Variants in MRPS25 observed in about 807,000 individuals in gnomAD.
MRPS25 encodes the protein small ribosomal subunit protein mS25.
Under a neutral mutation model 17.3 loss-of-function variants are expected in MRPS25, and 15 were observed. The observed-to-expected ratio is 0.87, with a 90% CI of 0.58 to 1.34. The LOEUF (loss-of-function observed/expected upper bound fraction) is 1.34, where lower values mean the gene tolerates loss of function less well. Ranked by LOEUF, MRPS25 falls within the 40% of genes most tolerant of loss-of-function variation. MRPS25 has a pLI of 0.00. For synonymous variants in MRPS25, 94 were observed against 83.3 expected (o/e 1.13, Z -0.70); for missense variants, 225 against 218.6 (o/e 1.03, Z -0.19).
downstream of MRPS25, chr3:15,043,828 G>A (rs2042356548): frequency 6.6e-6 from 1 of 152,214 alleles, no homozygotes; most frequent in South Asian, 2.1e-4. Flanking sequence ...TATCTGAATT[G>A]GATTGCAACT....
In MRPS25 at chr3:15,065,154, T is replaced by G; in HGVS notation, c.41A>C (p.Gln14Pro). ...CACCACGTTCCCCTGGCTCAGATAT[T>G]GCAGGGTGCGGCGGATGGGGAAGCG... The part of the protein sequence containing the change: ...KGRFPIRRTL[Q>P]YLSQGNVVFK... Residue 14 changes from glutamine (Q) to proline (P), a missense_variant, in exon 1 of 4, where the codon CAA becomes CCA. Physicochemically the swap from Gln to Pro is moderately conservative, Grantham distance 76. Transcript: ENST00000253686. 2 of 1,608,890 alleles carry G rather than the reference T, an allele frequency of 1.2e-6. No individual in the cohort carries two copies. The highest frequency in any genetic ancestry group is 1.7e-6 in the Non-Finnish European group (2 of 1,177,800).
chr3:15,057,276 T>A (rs1355038982), intron 2 of MRPS25, among the ~76,000 whole-genome samples: 1 of 152,220 alleles, frequency 6.6e-6, no homozygotes, highest in East Asian at 1.9e-4. Context: ...CGTCCTCACC[T>A]GTAGTTCTGG....
intron 3 of MRPS25, among the ~76,000 whole-genome samples, chr3:15,052,985 C>T (rs2042625114): frequency 6.6e-6 from 1 of 152,168 alleles, no homozygotes; most frequent in Admixed American, 6.5e-5. Context: ...AGCTTCCGTC[C>T]CTTTCTGTCT....
intron 1 of MRPS25, among the ~76,000 whole-genome samples, chr3:15,061,418 G>A (rs1426341224): frequency 6.6e-6 from 1 of 152,230 alleles, no homozygotes; most frequent in African/African-American, 2.4e-5. Context: ...GGGTTTCGCT[G>A]TGTTGGCCGG....
chr3:15,044,305 C>T (rs1032018492), downstream of MRPS25: 2 of 152,182 alleles, frequency 1.3e-5, no homozygotes, highest in African/African-American at 4.8e-5. Context: ...GCACACTGTG[C>T]ACTTTGGTTC....
At chr3:15,042,352 A>C (rs1346691734), downstream of MRPS25, 1 of 152,466 alleles carries the variant, frequency 6.6e-6, no homozygotes. Context: ...CCAGAGCCCA[A>C]CTGTTAGCGT....
chr3:15,057,058 GC>G (rs1384519360), intron 2 of MRPS25, among the ~76,000 whole-genome samples: 2 of 152,194 alleles, frequency 1.3e-5, no homozygotes, highest in African/African-American at 4.8e-5. Flanking sequence ...CTTCTTGGCA[GC>G]CAGGAGGCCC....
chr3:15,059,834 G>A (rs575074209), intron 1 of MRPS25, among the ~76,000 whole-genome samples: 1 of 152,256 alleles, frequency 6.6e-6, no homozygotes, highest in East Asian at 1.9e-4. Context: ...TTACAGGTGT[G>A]CACCGTATCT....
downstream of MRPS25, chr3:15,045,306 C>G (rs1157805070): frequency 6.6e-6 from 1 of 152,544 alleles, no homozygotes; most frequent in Non-Finnish European, 1.5e-5. Context: ...AAGGTCTCCA[C>G]CAGCCCCTCC....
Position 15,052,523 on chromosome 3 carries a change from A to G in MRPS25, c.440T>C (p.Val147Ala). 1.2e-6 allele frequency: 2 copies of G among 1,614,006 alleles called. No individual in the cohort carries two copies. The highest frequency in any genetic ancestry group is 1.7e-6 in the Non-Finnish European group (2 of 1,179,976). Reference sequence around the variant, plus strand: ...TAATGGCACCAGGCTGGGGCAGGGCACCTGCCCTTCCACTTCACAGATGCA... The same window carrying G: ...TAATGGCACCAGGCTGGGGCAGGGCGCCTGCCCTTCCACTTCACAGATGCA... Reference protein sequence around the residue: ...RECICEVEGQVPCPSLVPLPK... With the variant: ...RECICEVEGQAPCPSLVPLPK... The change falls in exon 4 of 4, where the codon GTG (valine) becomes GCG (alanine). Residue 147 changes from valine (V) to alanine (A), a missense_variant. Physicochemically the swap from Val to Ala is moderately conservative, Grantham distance 64. Coordinates refer to ENST00000253686, the MANE Select transcript of MRPS25 (RefSeq NM_022497.5).
At chr3:15,047,158 A>C (rs1021369640), downstream of MRPS25, 5 of 152,628 alleles carry the variant, frequency 3.3e-5, no homozygotes, top group Admixed American at 2.0e-4. Context: ...ACTTTCCTTT[A>C]AAGAGAGTTT....
chr3:15,062,619 A>G (rs990419200), intron 1 of MRPS25, among the ~76,000 whole-genome samples: 55 of 152,210 alleles, frequency 3.6e-4, no homozygotes, highest in African/African-American at 1.3e-3. Context: ...AGTTTTGTGG[A>G]ATAGAAAGGG....
intron 1 of MRPS25, among the ~76,000 whole-genome samples, chr3:15,062,003 G>A (rs1335728288): frequency 6.6e-6 from 1 of 150,636 alleles, no homozygotes; most frequent in African/African-American, 2.4e-5. Context: ...TGGGAAGTGA[G>A]GAGCGTCTCC....
chr3:15,050,918 C>A lies in MRPS25; in HGVS notation c.*1523G>T. 2 of 985,436 alleles carry A rather than the reference C, an allele frequency of 2.0e-6. No individual in the cohort carries two copies. Among genetic ancestry groups the A allele is most frequent in the Non-Finnish European group, 2.4e-6 (2 of 829,942 alleles). 61.0% of individuals were successfully genotyped at this position (985,436 alleles called of 1,614,324 possible). The stretch of plus-strand genomic sequence containing the variant: ...CACATCGTAGTATGACATCATTTCA[C>A]CAGCCAGCTACTTCATGTGGCAGAA... On this transcript the variant is annotated 3_prime_UTR_variant, in exon 4 of 4. Coordinates refer to ENST00000253686, the MANE Select transcript of MRPS25 (RefSeq NM_022497.5).
rs764019117 is a variant in MRPS25, at chr3:15,052,561, G to C, written c.402C>G (p.Tyr134Ter). The C allele has an allele frequency of 6.2e-7, 1 of 1,614,186 alleles. No homozygotes were observed. The highest frequency in any genetic ancestry group is 1.1e-5 in the South Asian group (1 of 91,088). The change falls in exon 4 of 4, where the codon TAC (tyrosine) becomes TAG (stop). Residue 134 changes from tyrosine (Y) to a stop codon, truncating the protein, a stop_gained. Transcript: ENST00000253686. LOFTEE classifies it high-confidence loss of function. ...CTTCACAGATGCACTCCCGCAGGCA[G>C]TACTTTCGAGGGCCGAAGTTGGCTG... ...SHPANFGPRK[Y>*]CLRECICEVE...
Position 15,050,300 on chromosome 3 carries a change from T to C in MRPS25, c.*2141A>G. 1 of 1,091,398 alleles carries C rather than the reference T, an allele frequency of 9.2e-7. No individual in the cohort carries two copies. Among genetic ancestry groups the C allele is most frequent in the Non-Finnish European group, 1.1e-6 (1 of 898,014 alleles). 67.6% of individuals were successfully genotyped at this position (1,091,398 alleles called of 1,614,324 possible). On this transcript the variant is annotated 3_prime_UTR_variant, in exon 4 of 4. Transcript: ENST00000253686. ...GGCTGTCCACCTCACTGCCCATTGC[T>C]CCTGTGTCAAGCCTGAACTCAAACC...
chr3:15,053,273 A>C, intron 3 of MRPS25, 107 bp downstream of exon 3: 2 of 1,555,520 alleles, frequency 1.3e-6, no homozygotes, highest in Non-Finnish European at 1.7e-6. Flanking sequence ...TCTGGCGTTC[A>C]CTGTCAGAGA....
chr3:15,063,477 T>C (rs1168922440), intron 1 of MRPS25, among the ~76,000 whole-genome samples: 1 of 152,042 alleles, frequency 6.6e-6, no homozygotes, highest in Non-Finnish European at 1.5e-5. Context: ...GGCTGGGGAT[T>C]GGGGGAGGAC....
rs2042615069 is a variant in MRPS25, at chr3:15,052,239, A to G, written c.*202T>C. On this transcript the variant is annotated 3_prime_UTR_variant, in exon 4 of 4. Coordinates refer to ENST00000253686, the MANE Select transcript of MRPS25 (RefSeq NM_022497.5). Reference sequence around the variant, plus strand: ...TAGGAAGCGTTTTATTGACCAGCAGAGCAGGGATATTCATTTAGCAGCTCA... The same window carrying G: ...TAGGAAGCGTTTTATTGACCAGCAGGGCAGGGATATTCATTTAGCAGCTCA... The G allele has an allele frequency of 1.5e-6, 2 of 1,344,514 alleles. No homozygotes were observed. Among genetic ancestry groups the G allele is most frequent in the African/African-American group, 1.5e-5 (1 of 68,388 alleles). 83.3% of individuals were successfully genotyped at this position (1,344,514 alleles called of 1,614,324 possible). A position where few individuals can be genotyped will look rare whatever the true frequency, so the allele number is the denominator to read the frequency against.
Sources: gnomAD v4.1 joint callset for allele counts (sites outside exome capture counted in the v4.1 genomes callset) on GRCh38, gnomAD v4.1.1 for gene constraint, MANE v1.5 for transcripts, NCBI Gene and HGNC (gene_info 2026-07-23, HGNC 2026-07-21) for gene names.